SCN11A: variants seen among roughly 807,000 people sequenced by gnomAD.
SCN11A encodes the protein sodium voltage-gated channel alpha subunit 11.
A neutral mutation model predicts 162.2 loss-of-function variants in SCN11A; 122 were observed. The ratio of observed to expected loss-of-function variants is 0.75; its 90% confidence interval spans 0.65 to 0.87. The LOEUF is 0.87. Ranked by LOEUF, SCN11A falls within the 40% of genes least tolerant of loss-of-function variation. SCN11A has a pLI of 0.00. For missense variants in SCN11A, 2,015 were observed against 2,181.6 expected, an observed-to-expected ratio of 0.92 and a Z score of 1.52; for synonymous variants, 758 against 751.5, an observed-to-expected ratio of 1.01 and a Z score of -0.14.
At chr3:39,045,426 T>G (rs1195645093) in intron 1 of SCN11A, among the ~76,000 whole-genome samples, 2 of 151,976 alleles carry the variant, frequency 1.3e-5, no homozygotes, top group South Asian at 2.1e-4. Flanking sequence ...CAACAACACA[T>G]CAAAAGGATT....
In SCN11A at chr3:38,921,209, C is replaced by T; in HGVS notation, c.759G>A (p.Leu253=). The T allele has an allele frequency of 6.2e-7, 1 of 1,614,034 alleles. No homozygotes were observed. The highest frequency in any genetic ancestry group is 8.5e-7 in the Non-Finnish European group (1 of 1,179,940). Reference sequence around the variant, plus strand: ...AGAAGGTGAGGATAATCACGTTGACCAGCTTCTTCACAGAGCGTAGCAAGG... The same window carrying T: ...AGAAGGTGAGGATAATCACGTTGACTAGCTTCTTCACAGAGCGTAGCAAGG... ...VGALLRSVKK[L]VNVIILTFFC... The change falls in exon 10 of 30, where the codon CTG becomes CTA. Residue 253 remains leucine (L), a synonymous_variant. Coordinates refer to ENST00000302328, the MANE Select transcript of SCN11A (RefSeq NM_001349253.2).
At chr3:39,025,682 G>A (rs535321751) in intron 2 of SCN11A, among the ~76,000 whole-genome samples, 2 of 152,218 alleles carry the variant, frequency 1.3e-5, no homozygotes, top group Admixed American at 6.5e-5. Context: ...CACTTTCATC[G>A]CCTCCTTAGT....
chr3:38,889,623 C>A (rs1381840384), intron 19 of SCN11A, among the ~76,000 whole-genome samples: 2 of 151,140 alleles, frequency 1.3e-5, no homozygotes, highest in Non-Finnish European at 2.9e-5. Context: ...CATGGTGAAA[C>A]CCCATCTCTA....
chr3:39,032,776 A>G (rs886642485), intron 1 of SCN11A, among the ~76,000 whole-genome samples: 5 of 152,214 alleles, frequency 3.3e-5, no homozygotes, highest in Non-Finnish European at 7.3e-5. Flanking sequence ...GTGCTATGCT[A>G]AGATCATCTC....
At chr3:38,946,949 A>G (rs373382204) in intron 5 of SCN11A, 42 bp from the exon 6 acceptor site, 5 of 1,131,962 alleles carry the variant, frequency 4.4e-6, no homozygotes, top group Non-Finnish European at 6.5e-6. Flanking sequence ...ACACACATAC[A>G]CAACAGGAAT....
chr3:38,863,261 C>T lies in SCN11A; in HGVS notation c.3990G>A (p.Lys1330=). The T allele has an allele frequency of 6.2e-7, 1 of 1,605,700 alleles. No homozygotes were observed. Among genetic ancestry groups the T allele is most frequent in the Admixed American group, 1.7e-5 (1 of 59,844 alleles). Residue 1330 remains lysine (K), a synonymous_variant, in exon 28 of 30, where the codon AAG becomes AAA. Coordinates refer to ENST00000302328, the MANE Select transcript of SCN11A (RefSeq NM_001349253.2). The part of the protein sequence containing the change: ...GQDIFMTEEQ[K]KYYNAMKKLG... The stretch of plus-strand genomic sequence containing the variant: ...ATTTTTTCATTGCATTATAGTATTT[C>T]TTCTGTTCTTCTGTCATAAAAATGT...
chr3:38,999,480 TC>T (rs920692806), intron 2 of SCN11A, among the ~76,000 whole-genome samples: 4 of 152,236 alleles, frequency 2.6e-5, no homozygotes, highest in African/African-American at 7.2e-5. Context: ...TTTCTAATTA[TC>T]CCCTTTTGAA....
intron 27 of SCN11A, among the ~76,000 whole-genome samples, chr3:38,866,363 C>T (rs900213685): frequency 3.3e-5 from 5 of 152,096 alleles, no homozygotes; most frequent in East Asian, 3.9e-4. Flanking sequence ...GGATTACAGG[C>T]GTGTACCACC....
intron 1 of SCN11A, among the ~76,000 whole-genome samples, chr3:39,048,036 A>G (rs2032226956): frequency 6.6e-6 from 1 of 152,190 alleles, no homozygotes; most frequent in Non-Finnish European, 1.5e-5. Flanking sequence ...AAGAACAGGA[A>G]ATCAGTATGT....
chr3:38,874,892 A>T (rs2065184603), intron 23 of SCN11A, among the ~76,000 whole-genome samples: 1 of 152,176 alleles, frequency 6.6e-6, no homozygotes, highest in Non-Finnish European at 1.5e-5. Flanking sequence ...CTACATTTTG[A>T]TGTAGTTGAA....
At chr3:39,049,411 T>C (rs1192307995) in intron 1 of SCN11A, among the ~76,000 whole-genome samples, 1 of 152,272 alleles carries the variant, frequency 6.6e-6, no homozygotes, top group Non-Finnish European at 1.5e-5. Flanking sequence ...ACTGAGTAAT[T>C]CCCTAGATGG....
chr3:38,962,458 A>G (rs922920718), intron 2 of SCN11A, among the ~76,000 whole-genome samples: 6 of 152,176 alleles, frequency 3.9e-5, no homozygotes, highest in African/African-American at 1.4e-4. Flanking sequence ...TGCTTTTGGC[A>G]GTATGGTCAT....
At chr3:38,960,217 G>A (rs1344031431) in intron 3 of SCN11A, among the ~76,000 whole-genome samples, 66 bp downstream of exon 3, 1 of 152,144 alleles carries the variant, frequency 6.6e-6, no homozygotes, top group East Asian at 1.9e-4. Flanking sequence ...AACAAACCAA[G>A]TTCCAGGTGG....
intron 28 of SCN11A, among the ~76,000 whole-genome samples, chr3:38,858,176 C>G (rs1448019302): frequency 1.3e-5 from 2 of 152,090 alleles, no homozygotes; most frequent in African/African-American, 4.8e-5. Flanking sequence ...CTTCACATCT[C>G]AATACTAACG....
At chr3:38,861,099 A>C (rs1157881266) in intron 28 of SCN11A, among the ~76,000 whole-genome samples, 1 of 152,156 alleles carries the variant, frequency 6.6e-6, no homozygotes, top group Non-Finnish European at 1.5e-5. Context: ...CACCAACAAC[A>C]ACCAAGCTGA....
At chr3:39,006,793 C>A (rs2030991976) in intron 2 of SCN11A, among the ~76,000 whole-genome samples, 1 of 151,964 alleles carries the variant, frequency 6.6e-6, no homozygotes. Flanking sequence ...CAGAGTGAGA[C>A]CCTGTCTCAG....
At chr3:38,893,341 T>C (rs2065532416) in intron 19 of SCN11A, among the ~76,000 whole-genome samples, 4 of 152,086 alleles carry the variant, frequency 2.6e-5, no homozygotes, top group Admixed American at 2.0e-4. Context: ...TATACACACC[T>C]AACAGAAGAG....
At chr3:38,991,744 T>A (rs1051446279) in intron 2 of SCN11A, among the ~76,000 whole-genome samples, 1 of 152,150 alleles carries the variant, frequency 6.6e-6, no homozygotes, top group African/African-American at 2.4e-5. Context: ...CTTAGCTACA[T>A]CACCTGCTGG....
intron 4 of SCN11A, among the ~76,000 whole-genome samples, chr3:38,953,076 T>A (rs2066641163): frequency 6.6e-6 from 1 of 152,134 alleles, no homozygotes; most frequent in African/African-American, 2.4e-5. Context: ...TGTTGTTTTT[T>A]TAAAGAAAAG....
Sources: gnomAD v4.1 joint callset for allele counts (sites outside exome capture counted in the v4.1 genomes callset) on GRCh38, gnomAD v4.1.1 for gene constraint, MANE v1.5 for transcripts, NCBI Gene and HGNC (gene_info 2026-07-23, HGNC 2026-07-21) for gene names.